Variants in TAB2 observed in about 807,000 individuals in gnomAD.
TAB2 encodes the protein TGF-beta-activated kinase 1 and MAP3K7-binding protein 2.
A neutral mutation model predicts 65.0 loss-of-function variants in TAB2; 3 were observed. The observed-to-expected ratio is 0.05, with a 90% CI of 0.02 to 0.12. The LOEUF is 0.12. Among genes scored for constraint, TAB2 ranks in the 10% least tolerant of loss-of-function variants. The pLI is 1.00. For synonymous variants in TAB2, 298 were observed against 285.1 expected (o/e 1.05, Z -0.46); for missense variants, 623 against 840.3 (o/e 0.74, Z 3.20).
chr6:149,325,407 C>T, intron 1 of TAB2, among the ~76,000 whole-genome samples: 1 of 152,160 alleles, frequency 6.6e-6, no homozygotes, highest in South Asian at 2.1e-4. Flanking sequence ...CATTTTTCCT[C>T]AACAAATAGA....
chr6:149,348,580 C>A, intron 1 of TAB2, among the ~76,000 whole-genome samples: 1 of 149,630 alleles, frequency 6.7e-6, no homozygotes, highest in African/African-American at 2.5e-5. Flanking sequence ...CCATGCTATG[C>A]AAAGTCACAC....
At position 149,397,649 on chromosome 6, in the gene TAB2, A is replaced by T; in HGVS notation, c.1649A>T (p.Glu550Val). 1 of 1,614,102 alleles carries T rather than the reference A, an allele frequency of 6.2e-7. No homozygotes were observed. Among genetic ancestry groups the T allele is most frequent in the Non-Finnish European group, 8.5e-7 (1 of 1,180,008 alleles). The change falls in exon 4 of 7, where the codon GAA (glutamate) becomes GTA (valine). Residue 550 changes from glutamate (E) to valine (V), a missense_variant. By Grantham distance (121) the Glu-to-Val change is moderately radical. This residue lies in a region of TAB2 where 550 missense variants were observed against 665.7 expected (regional missense o/e 0.83). Coordinates refer to ENST00000637181, the MANE Select transcript of TAB2 (RefSeq NM_001292034.3). Reference protein sequence around the residue: ...QKARMERLQRELEIQKKKLDK... With the variant: ...QKARMERLQRVLEIQKKKLDK... ...GCCAGAATGGAACGACTTCAAAGAG[A>T]ACTTGAGATTCAAAAGAAAAAGCTG...
In TAB2 at chr6:149,301,690, A is replaced by C. The variant is rs77096662; in HGVS notation, c.-120-76328A>C. 6.5e-3 allele frequency among the ~76,000 whole-genome samples: 991 copies of C among 152,356 alleles called. 38 individuals are homozygous for C. The highest frequency in any genetic ancestry group is 0.05 in the Admixed American group (767 of 15,306). ...TATCTTCATTTGAATGTTTCCACATAACATTTCTTCTTTAGTCGTGTGCAT... is the reference window on the plus strand; with the variant it reads ...TATCTTCATTTGAATGTTTCCACATCACATTTCTTCTTTAGTCGTGTGCAT... On this transcript the variant is annotated intron_variant, in intron 1 of 1. Coordinates refer to the TAB2 transcript ENST00000606202.
chr6:149,403,244 AAAAATATATATATATATATAT>A (rs1782505264), intron 6 of TAB2, among the ~76,000 whole-genome samples: 3 of 49,966 alleles, frequency 6.0e-5, no homozygotes, highest in African/African-American at 2.5e-4. Context: ...TAAAAAAAAA[AAAAATATATATATATATATAT>A]ATATATATAT....
intron 3 of TAB2, among the ~76,000 whole-genome samples, chr6:149,386,252 T>C (rs1414618933): frequency 6.6e-6 from 1 of 152,242 alleles, no homozygotes; most frequent in East Asian, 1.9e-4. Context: ...AAATCTATTA[T>C]TCTTTAAAAT....
At chr6:149,333,514 C>T (rs1779841395) in intron 1 of TAB2, among the ~76,000 whole-genome samples, 1 of 152,156 alleles carries the variant, frequency 6.6e-6, no homozygotes, top group African/African-American at 2.4e-5. Flanking sequence ...CTGTCTTCTA[C>T]GCAGTCCTTC....
At chr6:149,364,251 A>G (rs1274386323) in intron 1 of TAB2, among the ~76,000 whole-genome samples, 1 of 152,148 alleles carries the variant, frequency 6.6e-6, no homozygotes, top group East Asian at 1.9e-4. Flanking sequence ...TCTGAGCTTT[A>G]AATCCTTCAT....
intron 2 of TAB2, 93 bp downstream of exon 2, chr6:149,370,192 G>A (rs1214013465): frequency 1.3e-5 from 14 of 1,117,074 alleles, no homozygotes; most frequent in African/African-American, 4.6e-5. Context: ...CTTCTTGTTG[G>A]TGTTAGTGTA....
chr6:149,340,159 A>C (rs1780071063), intron 1 of TAB2, among the ~76,000 whole-genome samples: 1 of 152,338 alleles, frequency 6.6e-6, no homozygotes, highest in Admixed American at 6.5e-5. Context: ...CTTAAACTAC[A>C]ATTTAAAGGA....
intron 1 of TAB2, chr6:149,221,008 GACA>G (rs1223027885): frequency 6.6e-6 from 1 of 152,132 alleles, no homozygotes; most frequent in Non-Finnish European, 1.5e-5. Context: ...TCCTTGAGAT[GACA>G]ACTTCACTTA....
intron 1 of TAB2, among the ~76,000 whole-genome samples, chr6:149,293,372 G>A (rs932370720): frequency 6.6e-6 from 1 of 152,168 alleles, no homozygotes; most frequent in Non-Finnish European, 1.5e-5. Flanking sequence ...GCTGGAAAGT[G>A]CAATTGAAAT....
At chr6:149,291,639 T>A (rs1404908641) in intron 1 of TAB2, 4 of 152,430 alleles carry the variant, frequency 2.6e-5, no homozygotes, top group Admixed American at 2.6e-4. Context: ...GGCGGGGAGA[T>A]CACTTGAGGT....
At chr6:149,256,256 C>T (rs1778031771) in intron 1 of TAB2, among the ~76,000 whole-genome samples, 1 of 152,134 alleles carries the variant, frequency 6.6e-6, no homozygotes, top group Non-Finnish European at 1.5e-5. Context: ...AACAATAACA[C>T]AGTAATTCTG....
intron 3 of TAB2, among the ~76,000 whole-genome samples, chr6:149,384,565 A>G (rs573149016): frequency 3.9e-4 from 60 of 152,352 alleles, no homozygotes; most frequent in African/African-American, 1.4e-3. Context: ...GTTTATAGAT[A>G]TGAAGAAAAT....
intron 1 of TAB2, among the ~76,000 whole-genome samples, chr6:149,304,640 C>T (rs556294903): frequency 2.0e-5 from 3 of 152,304 alleles, no homozygotes; most frequent in African/African-American, 7.2e-5. Flanking sequence ...CTTCACAAAG[C>T]AGTTGGCTTT....
At position 149,292,485 on chromosome 6, in the gene TAB2, T is replaced by C. The variant is rs552883427; in HGVS notation, c.-121+73709T>C. ...TACACCAGCAAGCATTTCTAGAATT[T>C]CTCCTTACTTTGAAAAAGAGAATAA... On this transcript the variant is annotated intron_variant, in intron 1 of 1. Coordinates refer to the TAB2 transcript ENST00000606202. Among the ~76,000 whole-genome samples the C allele has an allele frequency of 2.0e-5, 3 of 152,052 alleles. No individual in the cohort carries two copies. In the South Asian group the frequency reaches 6.2e-4, roughly 31 times the overall value.
intron 1 of TAB2, among the ~76,000 whole-genome samples, chr6:149,367,681 A>C (rs778846484): frequency 6.6e-6 from 1 of 152,176 alleles, no homozygotes; most frequent in Non-Finnish European, 1.5e-5. Flanking sequence ...GTCTAGATGA[A>C]TTATGATGGT....
At chr6:149,335,300 G>A (rs1583098825) in intron 1 of TAB2, among the ~76,000 whole-genome samples, 1 of 150,878 alleles carries the variant, frequency 6.6e-6, no homozygotes, top group Admixed American at 6.6e-5. Flanking sequence ...TTTATATATA[G>A]ATATGTATGT....
At chr6:149,361,541 T>C (rs1013875108) in intron 1 of TAB2, among the ~76,000 whole-genome samples, 3 of 152,182 alleles carry the variant, frequency 2.0e-5, no homozygotes, top group African/African-American at 4.8e-5. Flanking sequence ...GAGGGGCTGC[T>C]GCAAAGATCT....
Sources: allele counts gnomAD v4.1 joint callset (sites outside exome capture counted in the v4.1 genomes callset), GRCh38; gene constraint gnomAD v4.1.1; regional missense constraint gnomAD v4.1.1; transcripts MANE v1.5; gene names NCBI Gene and HGNC (gene_info 2026-07-23, HGNC 2026-07-21).